FDFT1: variants seen among roughly 807,000 people sequenced by gnomAD.
FDFT1 encodes squalene synthase.
FDFT1 carries 68 observed loss-of-function variants against 46.8 expected under a neutral mutation model. The ratio of observed to expected loss-of-function variants is 1.45; its 90% CI spans 1.19 to 1.78. FDFT1 has a LOEUF of 1.78. Ranked by LOEUF, FDFT1 falls within the 40% of genes most tolerant of loss-of-function variation. The probability of loss-of-function intolerance (pLI) is 0.00; values close to 1 mark genes in which losing one functional copy is unlikely to be tolerated. For synonymous variants in FDFT1, 351 were observed against 185.1 expected, an observed-to-expected ratio of 1.90 and a Z score of -7.28; for missense variants, 928 against 524.4, an observed-to-expected ratio of 1.77 and a Z score of -7.52.
chr8:11,808,441 C>T (rs1291356298), intron 1 of FDFT1: 32 of 1,270,346 alleles, frequency 2.5e-5, no homozygotes, highest in East Asian at 3.1e-5. Flanking sequence ...AGGGCGAGCC[C>T]GTCCCGCCCC....
chr8:11,826,923 G>C (rs1001610391), intron 5 of FDFT1, among the ~76,000 whole-genome samples: 1 of 152,194 alleles, frequency 6.6e-6, no homozygotes, highest in East Asian at 1.9e-4. Context: ...AGTACACACA[G>C]AATGGATTTC....
At position 11,821,736 on chromosome 8, in the gene FDFT1, G is replaced by A. The variant is rs749863922; in HGVS notation, c.382-14G>A. On this transcript the variant is annotated splice_polypyrimidine_tract_variant and intron_variant, in intron 3 of 7. Transcript: ENST00000220584. Reference sequence around the variant, plus strand: ...TATTTCATGATTTCTGTGTTTTTACGGTTTCCATTTCAGATCTCCCTTGAG... The same window carrying A: ...TATTTCATGATTTCTGTGTTTTTACAGTTTCCATTTCAGATCTCCCTTGAG... 4 of 1,611,564 alleles carry A rather than the reference G, an allele frequency of 2.5e-6. No homozygotes were observed. The highest frequency in any genetic ancestry group is 1.1e-5 in the South Asian group (1 of 90,912).
chr8:11,813,334 A>G (rs1807995737), intron 3 of FDFT1, among the ~76,000 whole-genome samples: 1 of 152,236 alleles, frequency 6.6e-6, no homozygotes, highest in South Asian at 2.1e-4. Context: ...AATAGCAATA[A>G]TAGTGTTCAC....
At chr8:11,811,020 T>A (rs1378703521) in intron 3 of FDFT1, among the ~76,000 whole-genome samples, 1 of 150,768 alleles carries the variant, frequency 6.6e-6, no homozygotes, top group Non-Finnish European at 1.5e-5. Context: ...GATCAGACCT[T>A]AAGTACCAAA....
At position 11,809,697 on chromosome 8, in the gene FDFT1, C is replaced by T. The variant is rs1314661869; in HGVS notation, c.228C>T (p.Leu76=). 4 of 1,613,470 alleles carry T rather than the reference C, an allele frequency of 2.5e-6. No homozygotes were observed. Among genetic ancestry groups the T allele is most frequent in the Non-Finnish European group, 2.5e-6 (3 of 1,179,748 alleles). ...CAGTGTGCATATTTTATCTGGTTCTCCGAGCTCTGGACACACTGGAAGATG... is the reference window on the plus strand; with the variant it reads ...CAGTGTGCATATTTTATCTGGTTCTTCGAGCTCTGGACACACTGGAAGATG... The part of the protein sequence containing the change: ...RNAVCIFYLV[L]RALDTLEDDM... The change falls in exon 3 of 8, where the codon CTC becomes CTT. Residue 76 remains leucine, a synonymous_variant. Transcript: ENST00000220584.
At chr8:11,823,226 A>AT (rs1431569930) in intron 4 of FDFT1, among the ~76,000 whole-genome samples, 2 of 152,174 alleles carry the variant, frequency 1.3e-5, no homozygotes, top group African/African-American at 2.4e-5. Flanking sequence ...AAATGTTGGG[A>AT]TTACAGGCAT....
chr8:11,810,373 G>A (rs886586034), intron 3 of FDFT1, among the ~76,000 whole-genome samples: 1 of 152,180 alleles, frequency 6.6e-6, no homozygotes, highest in Non-Finnish European at 1.5e-5. Flanking sequence ...GCTCACGATG[G>A]GCAGCAGCCT....
chr8:11,830,421 G>GT lies in FDFT1; in HGVS notation c.879+2dup. 1 of 1,611,022 alleles carries GT rather than the reference G, an allele frequency of 6.2e-7. No homozygotes were observed. Among genetic ancestry groups the GT allele is most frequent in the Non-Finnish European group, 8.5e-7 (1 of 1,177,766 alleles). ...GTTTAACTTCTGTGCTATTCCACAG[G>GT]TAGGGAAGGGGGCTCCTCTGGGTGG... On this transcript the variant is annotated splice_donor_variant, in intron 6 of 7. Transcript: ENST00000220584. LOFTEE classifies it high-confidence loss of function.
chr8:11,837,246 T>G (rs1811670039), intron 7 of FDFT1, among the ~76,000 whole-genome samples: 1 of 152,004 alleles, frequency 6.6e-6, no homozygotes, highest in African/African-American at 2.4e-5. Flanking sequence ...TTGTTTGTTT[T>G]TTGAGACAGG....
In FDFT1 at chr8:11,838,602, A is replaced by C; in HGVS notation, c.1247A>C (p.Glu416Ala). 1 of 1,613,072 alleles carries C rather than the reference A, an allele frequency of 6.2e-7. No homozygotes were observed. The highest frequency in any genetic ancestry group is 8.5e-7 in the Non-Finnish European group (1 of 1,179,038). ...ACAGAAGACTATGTTCAGACTGGAG[A>C]ACACTGATCCCAAATTTGTCCATAG... Reference protein sequence around the residue: ...QVTEDYVQTGEH With the variant: ...QVTEDYVQTGAH Residue 416 changes from glutamate to alanine, a missense_variant, in exon 8 of 8, where the codon GAA (glutamate) becomes GCA (alanine). Coordinates refer to ENST00000220584, the MANE Select transcript of FDFT1 (RefSeq NM_004462.5).
chr8:11,800,635 A>G (rs866044779), upstream of FDFT1, among the ~76,000 whole-genome samples: 1 of 152,242 alleles, frequency 6.6e-6, no homozygotes, highest in Non-Finnish European at 1.5e-5. Flanking sequence ...TTGGACCACT[A>G]TAAGCATGCC....
upstream of FDFT1, among the ~76,000 whole-genome samples, chr8:11,798,521 T>TG (rs1805792688): frequency 6.6e-6 from 1 of 152,206 alleles, no homozygotes; most frequent in African/African-American, 2.4e-5. Flanking sequence ...CCACAGGACT[T>TG]GATGAATGAT....
intron 3 of FDFT1, among the ~76,000 whole-genome samples, chr8:11,815,281 T>A (rs187067013): frequency 6.6e-6 from 1 of 152,366 alleles, no homozygotes; most frequent in East Asian, 1.9e-4. Context: ...GATGGACATT[T>A]GGGTTGGTTC....
chr8:11,807,463 C>G (rs1253514641), intron 1 of FDFT1, among the ~76,000 whole-genome samples: 2 of 152,318 alleles, frequency 1.3e-5, no homozygotes, highest in African/African-American at 2.4e-5. Context: ...GCACCCGGCC[C>G]TGTTGGATAA....
upstream of FDFT1, among the ~76,000 whole-genome samples, chr8:11,799,943 T>TAAAA (rs57010317): frequency 2.3e-5 from 3 of 130,930 alleles, no homozygotes; most frequent in Admixed American, 7.8e-5. Flanking sequence ...AGACTCCATT[T>TAAAA]AAAAAAAAAA....
upstream of FDFT1, chr8:11,801,739 G>C (rs543318591): frequency 3.0e-6 from 1 of 337,684 alleles, no homozygotes; most frequent in Non-Finnish European, 5.8e-6. Context: ...TGTTGGCCTG[G>C]CTGGAGTGCA....
intron 5 of FDFT1, among the ~76,000 whole-genome samples, chr8:11,828,864 A>G (rs1182300470): frequency 6.6e-6 from 1 of 152,198 alleles, no homozygotes; most frequent in African/African-American, 2.4e-5. Flanking sequence ...ATCGCCTAGT[A>G]TTATTCCACT....
rs4731 is a variant in FDFT1 at position 11,808,828 on chromosome 8, A to G, written c.134A>G (p.Lys45Arg). ...SLSSSLKTCY[K>R]YLNQTSRSFA... The stretch of plus-strand genomic sequence containing the variant: ...AGCAGCAGCCTGAAAACTTGCTACA[A>G]GTATCTCAATCAGACCAGTCGCAGT... Residue 45 changes from lysine (K) to arginine (R), a missense_variant, in exon 2 of 8, where the codon AAG (lysine) becomes AGG (arginine). Physicochemically the swap from Lys to Arg is conservative, Grantham distance 26. Transcript: ENST00000220584. The G allele has an allele frequency of 0.076, 122,178 of 1,613,782 alleles. 5,176 individuals are homozygous for G. The highest frequency in any genetic ancestry group is 0.082 in the Non-Finnish European group (97,034 of 1,179,820).
upstream of FDFT1, among the ~76,000 whole-genome samples, chr8:11,798,512 C>G (rs959035667): frequency 2.0e-5 from 3 of 152,168 alleles, no homozygotes; most frequent in Non-Finnish European, 4.4e-5. Context: ...TCTTGGACTC[C>G]ACAGGACTTG....
Sources: allele counts gnomAD v4.1 joint callset (sites outside exome capture counted in the v4.1 genomes callset), GRCh38; gene constraint gnomAD v4.1.1; transcripts MANE v1.5; gene names NCBI Gene and HGNC (gene_info 2026-07-23, HGNC 2026-07-21).